The following ATP13A4 variants were observed in gnomAD, a reference collection of about 807,000 sequenced individuals.
ATP13A4 encodes probable cation-transporting ATPase 13A4.
ATP13A4 carries 114 observed loss-of-function variants against 142.5 expected under a neutral mutation model. The ratio of observed to expected loss-of-function variants is 0.80; its 90% CI spans 0.69 to 0.93. The LOEUF (loss-of-function observed/expected upper bound fraction) is 0.93, where lower values mean the gene tolerates loss of function less well. ATP13A4 is among the 40% of genes least tolerant of loss of function. The probability of loss-of-function intolerance (pLI) is 0.00; values close to 1 mark genes in which losing one functional copy is unlikely to be tolerated. For synonymous variants in ATP13A4, 488 were observed against 514.8 expected, an observed-to-expected ratio of 0.95 and a Z score of 0.70; for missense variants, 1,392 against 1,454.0, an observed-to-expected ratio of 0.96 and a Z score of 0.69.
chr3:193,559,760 T>C (rs1259666093), upstream of ATP13A4, among the ~76,000 whole-genome samples: 2 of 152,188 alleles, frequency 1.3e-5, no homozygotes, highest in Non-Finnish European at 2.9e-5. Context: ...TGGCCTGTTG[T>C]TTCCCTTTCA....
chr3:193,518,060 G>T (rs1721522061), intron 1 of ATP13A4, among the ~76,000 whole-genome samples: 1 of 152,022 alleles, frequency 6.6e-6, no homozygotes, highest in African/African-American at 2.4e-5. Flanking sequence ...CTTTAAATTT[G>T]TCCCCCAGTT....
chr3:193,555,132 C>T, upstream of ATP13A4: 1 of 401,970 alleles, frequency 2.5e-6, no homozygotes, highest in Non-Finnish European at 4.7e-6. Context: ...TGCCCAGTGC[C>T]TGCCAGCCTC....
intron 7 of ATP13A4, among the ~76,000 whole-genome samples, chr3:193,486,693 A>T (rs1719641938): frequency 6.6e-6 from 1 of 152,236 alleles, no homozygotes; most frequent in African/African-American, 2.4e-5. Flanking sequence ...TGAAGCTATG[A>T]GTCTGCAACT....
chr3:193,438,928 T>C (rs540660202), intron 22 of ATP13A4, 95 bp downstream of exon 22: 31 of 1,287,286 alleles, frequency 2.4e-5, no homozygotes, highest in Admixed American at 6.7e-5. Context: ...TATAAATGAA[T>C]GTGAGATTAT....
chr3:193,591,625 C>A (rs1724789573), intron 1 of ATP13A4, among the ~76,000 whole-genome samples: 2 of 152,188 alleles, frequency 1.3e-5, no homozygotes, highest in African/African-American at 4.8e-5. Context: ...AAATAAACAT[C>A]ATCATGCATA....
chr3:193,468,236 T>C (rs1359762162), intron 9 of ATP13A4, among the ~76,000 whole-genome samples: 1 of 152,048 alleles, frequency 6.6e-6, no homozygotes, highest in African/African-American at 2.4e-5. Context: ...AAGGAGGATG[T>C]AGAGAGATTT....
At chr3:193,551,891 A>G (rs1010534038) in intron 1 of ATP13A4, among the ~76,000 whole-genome samples, 1 of 152,212 alleles carries the variant, frequency 6.6e-6, no homozygotes, top group African/African-American at 2.4e-5. Flanking sequence ...TTTCGCAGTT[A>G]AAGATATTAT....
chr3:193,554,982 C>G (rs891889017), upstream of ATP13A4: 4 of 1,490,996 alleles, frequency 2.7e-6, no homozygotes, highest in African/African-American at 5.5e-5. Flanking sequence ...AAACTGAACT[C>G]CTCCCACGAG....
In ATP13A4 at chr3:193,514,848, T is replaced by A; in HGVS notation, c.84A>T (p.Gln28His). 1 of 1,614,148 alleles carries A rather than the reference T, an allele frequency of 6.2e-7. No individual in the cohort carries two copies. Among genetic ancestry groups the A allele is most frequent in the East Asian group, 2.2e-5 (1 of 44,888 alleles). ...NEMEIFGYRT[Q>H]GCRKSLCLAG... ...CAAGGCAGAGACTTTTCCGGCAGCC[T>A]TGAGTCCGATAGCCAAATATCTCCT... Residue 28 changes from glutamine (Q) to histidine (H), a missense_variant, in exon 2 of 30, where the codon CAA becomes CAT. Coordinates refer to ENST00000342695, the MANE Select transcript of ATP13A4 (RefSeq NM_032279.4).
chr3:193,484,098 T>C, intron 7 of ATP13A4, 93 bp from the exon 8 acceptor site: 1 of 1,055,620 alleles, frequency 9.5e-7, no homozygotes, highest in African/African-American at 1.6e-5. Flanking sequence ...GATAGAGCAC[T>C]GTCTTACTGC....
Position 193,428,868 on chromosome 3 carries a change from C to A in ATP13A4, c.2842+4977G>T, listed in dbSNP as rs1001285776. On this transcript the variant is annotated intron_variant, in intron 25 of 29. Transcript: ENST00000342695. ...GGACGAGTTAATGGGGGCAGCTCAC[C>A]AACATGGCACATGTATACATATGTA... Among the ~76,000 whole-genome samples the A allele has an allele frequency of 4.6e-5, 7 of 151,790 alleles. No individual in the cohort carries two copies. The South Asian group carries it at 1.5e-3, about 32-fold the overall frequency.
At chr3:193,539,460 G>A (rs1160049405) in intron 1 of ATP13A4, among the ~76,000 whole-genome samples, 1 of 152,224 alleles carries the variant, frequency 6.6e-6, no homozygotes, top group Non-Finnish European at 1.5e-5. Flanking sequence ...TTTCACAAGA[G>A]GGTTTGAGAC....
intron 28 of ATP13A4, among the ~76,000 whole-genome samples, chr3:193,410,037 A>G (rs1304921071): frequency 6.6e-6 from 1 of 152,196 alleles, no homozygotes; most frequent in Non-Finnish European, 1.5e-5. Context: ...GCATTTCTTG[A>G]TCTAAAGATC....
rs751546703 is a variant in ATP13A4 at position 193,442,563 on chromosome 3, G to A, written c.2153-7C>T. On this transcript the variant is annotated splice_polypyrimidine_tract_variant and splice_region_variant and intron_variant, in intron 18 of 29. Transcript: ENST00000342695. ...GCAGTCTGAAGATTGTCACCTAGAG[G>A]AAAGGAGGAGTATCTCAAGATGAGG... is the stretch of plus-strand genomic sequence containing the variant. 6.2e-6 allele frequency: 10 copies of A among 1,612,148 alleles called. No homozygotes were observed. In the East Asian group the frequency reaches 2.0e-4, roughly 32 times the overall value.
intron 25 of ATP13A4, among the ~76,000 whole-genome samples, chr3:193,427,357 A>G (rs1235481058): frequency 2.0e-5 from 3 of 152,132 alleles, no homozygotes; most frequent in South Asian, 2.1e-4. Flanking sequence ...AATCAATATC[A>G]TGAAAATGGC....
chr3:193,469,029 G>A (rs978788958), intron 9 of ATP13A4, among the ~76,000 whole-genome samples: 30 of 152,172 alleles, frequency 2.0e-4, no homozygotes, highest in Admixed American at 1.7e-3. Flanking sequence ...AGGCCTGGAC[G>A]AGAGATATTT....
At chr3:193,514,936 C>T (rs914515780) in intron 1 of ATP13A4, 65 bp from the exon 2 acceptor site, 1 of 1,555,884 alleles carries the variant, frequency 6.4e-7, no homozygotes, top group Non-Finnish European at 8.8e-7. Flanking sequence ...TGAACAAATA[C>T]TGATTTTAGT....
In ATP13A4 at chr3:193,547,752, C is replaced by A. The variant is rs371714647; in HGVS notation, c.60+6988G>T. On this transcript the variant is annotated intron_variant, in intron 1 of 29. Coordinates refer to ENST00000342695, the MANE Select transcript of ATP13A4 (RefSeq NM_032279.4). ...ACAACCTGTGTGGTCACACAGGGCCCACACTCAGAAGGGCCCTACGCTCAG... is the reference window on the plus strand; with the variant it reads ...ACAACCTGTGTGGTCACACAGGGCCAACACTCAGAAGGGCCCTACGCTCAG... 9.1e-4 allele frequency among the ~76,000 whole-genome samples: 139 copies of A among 151,950 alleles called. 2 individuals are homozygous for A. The highest frequency in any genetic ancestry group is 3.2e-3 in the African/African-American group (132 of 41,442).
At chr3:193,501,891 T>C (rs1720563999) in intron 3 of ATP13A4, among the ~76,000 whole-genome samples, 1 of 152,190 alleles carries the variant, frequency 6.6e-6, no homozygotes, top group Non-Finnish European at 1.5e-5. Flanking sequence ...CCTCCTGGGA[T>C]ATTCCTGGGT....
Sources: allele counts gnomAD v4.1 joint callset (sites outside exome capture counted in the v4.1 genomes callset), GRCh38; gene constraint gnomAD v4.1.1; transcripts MANE v1.5; gene names NCBI Gene and HGNC (gene_info 2026-07-23, HGNC 2026-07-21).